The following CCDC40 variants were observed in gnomAD, a reference collection of about 807,000 sequenced individuals.
The protein encoded by CCDC40 is coiled-coil domain-containing protein 40.
Under a neutral mutation model 124.5 loss-of-function variants are expected in CCDC40, and 104 were observed. The ratio of observed to expected loss-of-function variants is 0.84; its 90% confidence interval spans 0.71 to 0.98. The LOEUF is 0.98. CCDC40 is among the 50% of genes least tolerant of loss of function. The probability of loss-of-function intolerance (pLI) is 0.00; values close to 1 mark genes in which losing one functional copy is unlikely to be tolerated. For missense variants in CCDC40, 1,463 were observed against 1,503.9 expected (o/e 0.97, Z 0.45); for synonymous variants, 580 against 602.9 (o/e 0.96, Z 0.56).
chr17:80,065,678 CCT>C, intron 10 of CCDC40, 72 bp downstream of exon 10: 1 of 1,590,248 alleles, frequency 6.3e-7, no homozygotes, highest in Non-Finnish European at 8.6e-7. Context: ...CCCCACACCC[CCT>C]CTCTCTGGGT....
At chr17:80,061,520 C>T (rs1465593382) in intron 9 of CCDC40, among the ~76,000 whole-genome samples, 4 of 152,228 alleles carry the variant, frequency 2.6e-5, no homozygotes, top group Non-Finnish European at 2.9e-5. Context: ...GAGACTCGCC[C>T]TGTGTGCTTC....
rs1373728699 is a variant in CCDC40, at chr17:80,039,934, A to G, written c.216A>G (p.Glu72=). ...TTGAAGAGGGGGAGGTGGAGACAGA[A>G]GGGGAAGCAGCAGTGGAAGGGGAAG... ...AAIEEGEVET[E]GEAAVEGEEE... is the part of the protein sequence containing the mutation. Residue 72 remains glutamate, a synonymous_variant, in exon 3 of 20, where the codon GAA becomes GAG. Coordinates refer to ENST00000397545, the MANE Select transcript of CCDC40 (RefSeq NM_017950.4). 5.0e-6 allele frequency: 8 copies of G among 1,613,300 alleles called. No individual in the cohort carries two copies. The highest frequency in any genetic ancestry group is 6.8e-6 in the Non-Finnish European group (8 of 1,179,478).
At position 80,086,307 on chromosome 17, in the gene CCDC40, G is replaced by A. The variant is rs765086919; in HGVS notation, c.2449+91G>A. 35 of 1,066,132 alleles carry A rather than the reference G, an allele frequency of 3.3e-5. No homozygotes were observed. The highest frequency in any genetic ancestry group is 4.7e-5 in the Non-Finnish European group (33 of 708,670). 66.0% of individuals were successfully genotyped at this position (1,066,132 alleles called of 1,614,324 possible). On this transcript the variant is annotated intron_variant, in intron 14 of 19. Transcript: ENST00000397545. The surrounding 1 kb of genome is among the most constrained non-coding windows in gnomAD (Gnocchi z 5.5). ...AGGGGAGGGGCACTCAGTGGGGCAC[G>A]TCGCTGGATTTGCACGCAGCCTTAA...
At chr17:80,091,019 G>A (rs2038712530) in intron 17 of CCDC40, among the ~76,000 whole-genome samples, 1 of 152,164 alleles carries the variant, frequency 6.6e-6, no homozygotes, top group South Asian at 2.1e-4. Flanking sequence ...TTCTTCCCCG[G>A]CTCCCCCTCC....
chr17:80,088,141 T>TC, intron 16 of CCDC40, 39 bp downstream of exon 16: 1 of 1,390,342 alleles, frequency 7.2e-7, no homozygotes, highest in Non-Finnish European at 1.0e-6. Context: ...GTCATGAAGG[T>TC]CACTGCACCT....
At chr17:80,077,626 C>T (rs921699451) in intron 10 of CCDC40, among the ~76,000 whole-genome samples, 5 of 152,234 alleles carry the variant, frequency 3.3e-5, no homozygotes, top group Admixed American at 6.5e-5. Flanking sequence ...TCCACATCCT[C>T]GCCAACATTT....
chr17:80,054,327 T>C (rs1043522767), intron 7 of CCDC40, among the ~76,000 whole-genome samples: 1 of 152,174 alleles, frequency 6.6e-6, no homozygotes, highest in African/African-American at 2.4e-5. Flanking sequence ...GGTTTCATCA[T>C]GCAAGAAATT....
intron 19 of CCDC40, 83 bp downstream of exon 19, chr17:80,097,486 A>T: frequency 6.8e-7 from 1 of 1,462,248 alleles, no homozygotes; most frequent in Non-Finnish European, 9.5e-7. Context: ...CCTCTGTGCG[A>T]GTCACGGCCT....
Position 80,047,281 on chromosome 17 carries a change from A to T in CCDC40, c.555A>T (p.Thr185=). The T allele has an allele frequency of 6.2e-7, 1 of 1,614,034 alleles. No homozygotes were observed. Among genetic ancestry groups the T allele is most frequent in the Non-Finnish European group, 8.5e-7 (1 of 1,179,940 alleles). ...AGTTTTGGTTGTTCTTGCCATAGAC[A>T]GGATCCACAGAGGAGCCCCAGGGGC... The part of the protein sequence containing the change: ...VTSGPAVGRL[T]GSTEEPQGQV... Residue 185 remains threonine (T), a splice_region_variant and synonymous_variant, in exon 4 of 20, where the codon ACA becomes ACT. Coordinates refer to ENST00000397545, the MANE Select transcript of CCDC40 (RefSeq NM_017950.4).
Position 80,047,309 on chromosome 17 carries a change from G to C in CCDC40, c.583G>C (p.Val195Leu). 6.2e-7 allele frequency: 1 copy of C among 1,613,948 alleles called. No homozygotes were observed. Among genetic ancestry groups the C allele is most frequent in the Non-Finnish European group, 8.5e-7 (1 of 1,179,898 alleles). Residue 195 changes from valine (V) to leucine (L), a missense_variant, in exon 4 of 20, where the codon GTG becomes CTG. Val to Leu is a conservative substitution (Grantham distance 32). Transcript: ENST00000397545. ...ATCCACAGAGGAGCCCCAGGGGCAG[G>C]TGCTCCCAATGGGCGTCCAGCACCG... ...TGSTEEPQGQ[V>L]LPMGVQHRFR...
chr17:80,079,848 T>C (rs1431220188), intron 10 of CCDC40, among the ~76,000 whole-genome samples: 1 of 151,434 alleles, frequency 6.6e-6, no homozygotes, highest in Non-Finnish European at 1.5e-5. Flanking sequence ...TGAGAATCGC[T>C]TGAACCCAGG....
intron 10 of CCDC40, among the ~76,000 whole-genome samples, chr17:80,075,698 C>G (rs1441753233): frequency 6.6e-6 from 1 of 152,008 alleles, no homozygotes. Context: ...AGGCTGGTCT[C>G]GAACTCCTGA....
chr17:80,037,690 G>GATTATATATATATAT (rs1555889146), intron 1 of CCDC40, among the ~76,000 whole-genome samples: 18 of 92,088 alleles, frequency 2.0e-4, no homozygotes, highest in South Asian at 3.5e-4. Context: ...TTTTAAAAAA[G>GATTATATATATATAT]ATATACATAT....
At chr17:80,071,001 C>G (rs994922409) in intron 10 of CCDC40, among the ~76,000 whole-genome samples, 1 of 152,198 alleles carries the variant, frequency 6.6e-6, no homozygotes, top group Non-Finnish European at 1.5e-5. Flanking sequence ...GGGCCTGCCA[C>G]ACCAACCCTT....
In CCDC40 at chr17:80,099,770, T is replaced by C. The variant is rs148900528; in HGVS notation, c.3424T>C (p.Ser1142Pro). Reference sequence around the variant, plus strand: ...CAACAAGCTCGAGTCACCAGGGCCCTCCTAGGGAGCAGCCTGGACTCCGCC... The same window carrying C: ...CAACAAGCTCGAGTCACCAGGGCCCCCCTAGGGAGCAGCCTGGACTCCGCC... ...IANKLESPGP[S>P] is the part of the protein sequence containing the mutation. Residue 1142 changes from serine to proline, a missense_variant, in exon 20 of 20, where the codon TCC becomes CCC. Transcript: ENST00000397545. 1,078 of 1,612,568 alleles carry C rather than the reference T, an allele frequency of 6.7e-4. 4 individuals are homozygous for C. In the African/African-American group the frequency reaches 0.012, roughly 18 times the overall value.
In CCDC40 at chr17:80,039,811, G is replaced by A; in HGVS notation, c.94-1G>A. The A allele has an allele frequency of 6.2e-7, 1 of 1,613,360 alleles. No individual in the cohort carries two copies. ...ATTTTTTTCCTGCCACACCTTTACA[G>A]GTGTCACCACCAGAGAAGGATGATG... On this transcript the variant is annotated splice_acceptor_variant, in intron 2 of 19. Coordinates refer to ENST00000397545, the MANE Select transcript of CCDC40 (RefSeq NM_017950.4). LOFTEE classifies it high-confidence loss of function.
chr17:80,090,819 T>C lies in CCDC40; in HGVS notation c.2832+935T>C, dbSNP rs768072430. The C allele has an allele frequency of 1.7e-5, 21 of 1,207,014 alleles. 1 individual carries two copies. The highest frequency in any genetic ancestry group is 6.7e-4 in the Middle Eastern group (2 of 2,986). The allele number at this position is 1,207,014 out of a possible 1,614,324, so 74.8% of individuals were successfully genotyped here. A position where few individuals can be genotyped will look rare whatever the true frequency, so the allele number is the denominator to read the frequency against. ...GGGCCTCACTTTCACCATGCCATGC[T>C]AAATAGAAATTCCTCTGCTGAGTTA... On this transcript the variant is annotated intron_variant, in intron 17 of 19. Transcript: ENST00000397545.
intron 18 of CCDC40, among the ~76,000 whole-genome samples, chr17:80,095,819 C>A (rs1215471835): frequency 6.6e-6 from 1 of 152,238 alleles, no homozygotes; most frequent in African/African-American, 2.4e-5. Context: ...CCCTGCATAT[C>A]GGAGGTGGCA....
intron 3 of CCDC40, 77 bp from the exon 4 acceptor site, chr17:80,047,202 T>C: frequency 6.7e-7 from 1 of 1,489,480 alleles, no homozygotes; most frequent in Non-Finnish European, 9.3e-7. Flanking sequence ...CTTTCACAAA[T>C]GTAATGAGTT....
Sources: gnomAD v4.1 joint callset for allele counts (sites outside exome capture counted in the v4.1 genomes callset) on GRCh38, gnomAD v4.1.1 for gene constraint, Gnocchi (gnomAD v3.1) non-coding constraint, MANE v1.5 for transcripts, NCBI Gene and HGNC (gene_info 2026-07-23, HGNC 2026-07-21) for gene names.